The following NLRP14 variants were observed in gnomAD, a reference collection of about 807,000 sequenced individuals.
NLRP14 encodes the protein NLR family pyrin domain containing 14.
NLRP14 carries 105 observed loss-of-function variants against 94.7 expected under a neutral mutation model. That is an observed-to-expected ratio of 1.11 (90% CI 0.95 to 1.30). The LOEUF is 1.30. Ranked by LOEUF, NLRP14 falls within the 50% of genes most tolerant of loss-of-function variation. The pLI, the probability that NLRP14 is intolerant of heterozygous loss-of-function variation, is 0.00. For missense variants in NLRP14, 1,362 were observed against 1,254.1 expected (o/e 1.09, Z -1.30); for synonymous variants, 508 against 459.9 (o/e 1.10, Z -1.34).
At chr11:7,040,325 C>T (rs1017007082) in intron 3 of NLRP14, among the ~76,000 whole-genome samples, 1 of 152,214 alleles carries the variant, frequency 6.6e-6, no homozygotes, top group Non-Finnish European at 1.5e-5. Context: ...ACCTGAGCTT[C>T]GCCTCCTGTC....
At chr11:7,064,822 CT>C (rs376959667) in intron 10 of NLRP14, among the ~76,000 whole-genome samples, 55 of 151,376 alleles carry the variant, frequency 3.6e-4, no homozygotes, top group African/African-American at 1.2e-3. Context: ...CCTATATACT[CT>C]TTTTTTTTCC....
intron 6 of NLRP14, among the ~76,000 whole-genome samples, chr11:7,055,562 C>T (rs1852504985): frequency 6.6e-6 from 1 of 152,062 alleles, no homozygotes; most frequent in South Asian, 2.1e-4. Flanking sequence ...TGAGGAATAG[C>T]CCCTTTTTCA....
At chr11:7,051,211 A>T (rs1226512425) in intron 6 of NLRP14, among the ~76,000 whole-genome samples, 1 of 152,310 alleles carries the variant, frequency 6.6e-6, no homozygotes, top group East Asian at 1.9e-4. Context: ...GAGCTTTGTA[A>T]TAATCTCATA....
intron 1 of NLRP14, among the ~76,000 whole-genome samples, chr11:7,035,338 T>C (rs1322046640): frequency 6.6e-6 from 1 of 151,984 alleles, no homozygotes; most frequent in Non-Finnish European, 1.5e-5. Context: ...AAAAACGAAG[T>C]TGTTCACTTA....
At chr11:7,088,684 T>C in the NLRP14 span, among the ~76,000 whole-genome samples, 1 of 34,590 alleles carries the variant, frequency 2.9e-5, no homozygotes, top group Non-Finnish European at 8.1e-5. Context: ...AACTTAATAA[T>C]TTTAGTAATT....
chr11:7,069,740 C>T (rs1280389472), intron 10 of NLRP14, among the ~76,000 whole-genome samples: 1 of 152,088 alleles, frequency 6.6e-6, no homozygotes, highest in Non-Finnish European at 1.5e-5. Context: ...AATTCTCCTC[C>T]CTCAGCCTCC....
intron 1 of NLRP14, among the ~76,000 whole-genome samples, chr11:7,024,326 A>G (rs1851985334): frequency 6.6e-6 from 1 of 152,230 alleles, no homozygotes. Context: ...AAAAAATACC[A>G]AGAGGGAAAT....
At chr11:7,041,449 A>G (rs1275833657) in intron 3 of NLRP14, among the ~76,000 whole-genome samples, 2 of 152,282 alleles carry the variant, frequency 1.3e-5, no homozygotes, top group East Asian at 3.9e-4. Context: ...AGAGGATCAT[A>G]TTCTACATAA....
In NLRP14 at chr11:7,043,303, G is replaced by A; in HGVS notation, c.1277G>A (p.Arg426Lys). The change falls in exon 4 of 12, where the codon AGA becomes AAA. Residue 426 changes from arginine (R) to lysine (K), a missense_variant. Coordinates refer to ENST00000299481, the MANE Select transcript of NLRP14 (RefSeq NM_176822.4). ...PSLPNQAQLR[R>K]LCQVAAKGIW... is the part of the protein sequence containing the mutation. ...CTACCCAACCAAGCCCAGCTGAGAAGACTGTGCCAAGTCGCTGCCAAAGGA... is the reference window on the plus strand; with the variant it reads ...CTACCCAACCAAGCCCAGCTGAGAAAACTGTGCCAAGTCGCTGCCAAAGGA... The A allele has an allele frequency of 6.2e-7, 1 of 1,614,202 alleles. No individual in the cohort carries two copies. The highest frequency in any genetic ancestry group is 2.2e-5 in the East Asian group (1 of 44,888).
chr11:7,050,344 A>G (rs1347568696), intron 6 of NLRP14, among the ~76,000 whole-genome samples: 2 of 152,224 alleles, frequency 1.3e-5, no homozygotes, highest in Non-Finnish European at 2.9e-5. Context: ...TCCTCTTTCA[A>G]GGTGCTTGCT....
At chr11:7,081,382 T>C in the NLRP14 span, among the ~76,000 whole-genome samples, 4,903 of 152,234 alleles carry the variant, frequency 0.032, 142 homozygotes, top group East Asian at 0.13. Context: ...TGCAAGATAG[T>C]ATCACCCAAG....
At chr11:7,083,067 G>C in the NLRP14 span, among the ~76,000 whole-genome samples, 1 of 152,240 alleles carries the variant, frequency 6.6e-6, no homozygotes, top group Non-Finnish European at 1.5e-5. Context: ...GGGGAAGAAA[G>C]AAGAAAGTAT....
chr11:7,090,014 A>T, the NLRP14 span: 1 of 1,613,036 alleles, frequency 6.2e-7, no homozygotes, highest in Non-Finnish European at 8.5e-7. Context: ...GACGGGGGAC[A>T]CCGCCATCTT....
intron 8 of NLRP14, 56 bp from the exon 9 acceptor site, chr11:7,059,838 A>G: frequency 7.0e-7 from 1 of 1,428,196 alleles, no homozygotes; most frequent in Non-Finnish European, 9.8e-7. Flanking sequence ...CAGAGAAAGA[A>G]ATCTCTGGAC....
intron 1 of NLRP14, among the ~76,000 whole-genome samples, chr11:7,036,323 C>T (rs1337950420): frequency 1.3e-5 from 2 of 152,172 alleles, no homozygotes; most frequent in African/African-American, 4.8e-5. Flanking sequence ...CAAATTCCTT[C>T]GAGGACAGCG....
intron 9 of NLRP14, among the ~76,000 whole-genome samples, chr11:7,061,236 C>T (rs1328653669): frequency 1.3e-5 from 2 of 152,034 alleles, no homozygotes. Context: ...CATTTACTTA[C>T]TTTAGGAAAA....
At chr11:7,068,103 A>G (rs528976146) in intron 10 of NLRP14, among the ~76,000 whole-genome samples, 4 of 152,130 alleles carry the variant, frequency 2.6e-5, no homozygotes, top group African/African-American at 7.2e-5. Flanking sequence ...TAACTTCTTA[A>G]TCATCTATAG....
downstream of NLRP14, among the ~76,000 whole-genome samples, chr11:7,074,133 A>G (rs1207937323): frequency 1.3e-5 from 2 of 152,216 alleles, no homozygotes; most frequent in East Asian, 3.8e-4. Flanking sequence ...GTGTGCCTTG[A>G]AAGGGGCCAG....
chr11:7,088,156 G>A, the NLRP14 span, among the ~76,000 whole-genome samples: 1 of 152,150 alleles, frequency 6.6e-6, no homozygotes, highest in African/African-American at 2.4e-5. Flanking sequence ...TACACTTTCT[G>A]CTCAGTATAT....
Sources: allele counts gnomAD v4.1 joint callset (sites outside exome capture counted in the v4.1 genomes callset), GRCh38; gene constraint gnomAD v4.1.1; transcripts MANE v1.5; gene names NCBI Gene and HGNC (gene_info 2026-07-23, HGNC 2026-07-21).